VIPR2: variants seen among roughly 807,000 people sequenced by gnomAD.
VIPR2 encodes vasoactive intestinal peptide receptor 2.
A neutral mutation model predicts 58.0 loss-of-function variants in VIPR2; 48 were observed. The observed-to-expected ratio is 0.83, with a 90% confidence interval of 0.66 to 1.05. The LOEUF (loss-of-function observed/expected upper bound fraction) is 1.05, where lower values mean the gene tolerates loss of function less well. Among genes scored for constraint, VIPR2 ranks in the 50% least tolerant of loss-of-function variants. The pLI is 0.00. For missense variants in VIPR2, 534 were observed against 558.0 expected (o/e 0.96, Z 0.43); for synonymous variants, 243 against 235.2 (o/e 1.03, Z -0.30).
At chr7:159,101,393 G>A (rs1256126991) in intron 4 of VIPR2, among the ~76,000 whole-genome samples, 51 of 131,350 alleles carry the variant, frequency 3.9e-4, no homozygotes, top group African/African-American at 1.2e-3. Flanking sequence ...GGTTCCGACC[G>A]TTCCTGTGGT....
chr7:159,042,972 T>C (rs965098599), intron 6 of VIPR2, 63 bp downstream of exon 6: 1 of 1,560,154 alleles, frequency 6.4e-7, no homozygotes, highest in African/African-American at 1.4e-5. Context: ...GTCCTCATCG[T>C]GAGAAGAGGG....
chr7:159,057,499 T>G (rs1414737027), intron 5 of VIPR2, among the ~76,000 whole-genome samples: 1 of 152,200 alleles, frequency 6.6e-6, no homozygotes, highest in Non-Finnish European at 1.5e-5. Flanking sequence ...TCCTAACTTG[T>G]TTATTTTACA....
chr7:159,067,657 G>A (rs923429309), intron 4 of VIPR2, among the ~76,000 whole-genome samples: 12 of 152,228 alleles, frequency 7.9e-5, no homozygotes, highest in Non-Finnish European at 1.5e-4. Flanking sequence ...AATCCAGCAG[G>A]AAGTGTTCAT....
At chr7:159,058,800 CTT>C (rs1855472724) in intron 4 of VIPR2, among the ~76,000 whole-genome samples, 1 of 152,350 alleles carries the variant, frequency 6.6e-6, no homozygotes, top group Admixed American at 6.5e-5. Context: ...TCATGAATGA[CTT>C]TGGATGGTTC....
In VIPR2 at chr7:159,058,635, A is replaced by G; in HGVS notation, c.358-57T>C. 3.1e-6 allele frequency: 4 copies of G among 1,300,972 alleles called. No homozygotes were observed. The Admixed American group carries it at 6.8e-5, about 22-fold the overall frequency. 80.6% of individuals were successfully genotyped at this position (1,300,972 alleles called of 1,614,324 possible). A position where few individuals can be genotyped will look rare whatever the true frequency, so the allele number is the denominator to read the frequency against. On this transcript the variant is annotated intron_variant, in intron 4 of 12. Coordinates refer to ENST00000262178, the MANE Select transcript of VIPR2 (RefSeq NM_003382.5). The stretch of plus-strand genomic sequence containing the variant: ...AGGGTGACCAGCAACACCAGACAAC[A>G]GGAATGGTTCCAGGATCCAGCCCTG...
chr7:159,091,821 C>A (rs770911833), intron 4 of VIPR2, among the ~76,000 whole-genome samples: 6 of 152,240 alleles, frequency 3.9e-5, no homozygotes, highest in Non-Finnish European at 8.8e-5. Flanking sequence ...CGGGCCTGAG[C>A]AACCGCAGTT....
rs1439299989 is a variant in VIPR2 at position 159,106,962 on chromosome 7, G to GAGGTGCAGAGAGAGGCCATCC, written c.259+2829_259+2849dup. ...CAGGGAGGTACAGAGAGAGGCCAGG[G>GAGGTGCAGAGAGAGGCCATCC]AGGTGCAGAGAGAGGCCATCCAGGG... is the stretch of plus-strand genomic sequence containing the variant. On this transcript the variant is annotated intron_variant, in intron 3 of 12. Coordinates refer to ENST00000262178, the MANE Select transcript of VIPR2 (RefSeq NM_003382.5). Among the ~76,000 whole-genome samples, 503 of 151,642 alleles carry GAGGTGCAGAGAGAGGCCATCC rather than the reference G, an allele frequency of 3.3e-3. 3 individuals carry two copies. Among genetic ancestry groups the GAGGTGCAGAGAGAGGCCATCC allele is most frequent in the Admixed American group, 7.0e-3 (107 of 15,238 alleles).
intron 6 of VIPR2, 76 bp downstream of exon 6, chr7:159,042,959 G>A (rs1450287862): frequency 5.2e-6 from 8 of 1,542,306 alleles, no homozygotes; most frequent in African/African-American, 2.7e-5. Flanking sequence ...CCAGCACAGA[G>A]ACGTCCTCAT....
intron 6 of VIPR2, among the ~76,000 whole-genome samples, chr7:159,040,480 A>C (rs1355931405): frequency 6.6e-6 from 1 of 152,248 alleles, no homozygotes. Flanking sequence ...GATGGTGAGA[A>C]TAAAGGGCAG....
intron 5 of VIPR2, among the ~76,000 whole-genome samples, chr7:159,049,291 G>C (rs1854839276): frequency 6.6e-6 from 1 of 151,518 alleles, no homozygotes; most frequent in Non-Finnish European, 1.5e-5. Context: ...TCCACTTGTG[G>C]CCGTGAAGGA....
In VIPR2 at chr7:159,128,255, C is replaced by T. The variant is rs1796728703; in HGVS notation, c.151+14191G>A. Among the ~76,000 whole-genome samples, 1 of 152,150 alleles carries T rather than the reference C, an allele frequency of 6.6e-6. No homozygotes were observed. The highest frequency in any genetic ancestry group is 2.1e-4 in the South Asian group (1 of 4,830). ...GAACAGCTGCTGGGCCCTGGGATGT[C>T]TGCCCCATCCATACCTTGGGACCCA... On this transcript the variant is annotated intron_variant, in intron 2 of 12. Coordinates refer to ENST00000262178, the MANE Select transcript of VIPR2 (RefSeq NM_003382.5). The surrounding 1 kb of genome is among the most constrained non-coding windows in gnomAD (Gnocchi z 4.1).
chr7:159,098,494 C>A lies in VIPR2; in HGVS notation c.357+5263G>T, dbSNP rs1320658591. On this transcript the variant is annotated intron_variant, in intron 4 of 12. Transcript: ENST00000262178. This position sits in a 1 kb window ranked among gnomAD's most constrained non-coding sequence, Gnocchi z 5.2. Reference sequence around the variant, plus strand: ...AGACCTTGGACAGGGAGACTGATCCCTGGCTGGCTTATCTGCTTCAGGATC... The same window carrying A: ...AGACCTTGGACAGGGAGACTGATCCATGGCTGGCTTATCTGCTTCAGGATC... 6.6e-6 allele frequency among the ~76,000 whole-genome samples: 1 copy of A among 152,176 alleles called. No homozygotes were observed. Among genetic ancestry groups the A allele is most frequent in the Non-Finnish European group, 1.5e-5 (1 of 68,030 alleles).
At chr7:159,063,600 C>T (rs1435830301) in intron 4 of VIPR2, among the ~76,000 whole-genome samples, 1 of 151,466 alleles carries the variant, frequency 6.6e-6, no homozygotes, top group Non-Finnish European at 1.5e-5. Context: ...CGGGCTGAAG[C>T]GCTCCTCAAG....
chr7:159,042,172 C>A (rs142530518), intron 6 of VIPR2, among the ~76,000 whole-genome samples: 1 of 152,282 alleles, frequency 6.6e-6, no homozygotes, highest in Non-Finnish European at 1.5e-5. Context: ...TTAGACTGAG[C>A]AACTGTGCCA....
rs1247390764 is a variant in VIPR2, at chr7:159,030,679, G to A, written c.1254C>T (p.Ala418=). ...SSFSRNGSEG[A]LQFHRGSRAQ... ...CGCGGGAGCCGCGGTGGAACTGCAG[G>A]GCGCCCTCCGAGCCGTTGCGGGAGA... The change falls in exon 13 of 13, where the codon GCC becomes GCT. Residue 418 remains alanine, a synonymous_variant. Transcript: ENST00000262178. 1.3e-6 allele frequency: 2 copies of A among 1,569,062 alleles called. No individual in the cohort carries two copies. Among genetic ancestry groups the A allele is most frequent in the Admixed American group, 1.9e-5 (1 of 53,592 alleles).
intron 2 of VIPR2, among the ~76,000 whole-genome samples, chr7:159,110,319 G>A (rs1008494059): frequency 6.6e-6 from 1 of 152,220 alleles, no homozygotes; most frequent in Non-Finnish European, 1.5e-5. Context: ...GCAAATAAAA[G>A]TATTTGATAA....
intron 10 of VIPR2, among the ~76,000 whole-genome samples, chr7:159,032,588 G>A (rs530574740): frequency 2.0e-5 from 3 of 152,280 alleles, no homozygotes; most frequent in South Asian, 2.1e-4. Context: ...CTCTATTAAC[G>A]CATCTGAAGT....
intron 4 of VIPR2, among the ~76,000 whole-genome samples, chr7:159,067,907 G>A (rs899617260): frequency 1.3e-5 from 2 of 152,250 alleles, no homozygotes; most frequent in Non-Finnish European, 2.9e-5. Flanking sequence ...GCAATGGTTT[G>A]TGGCTGGGCA....
intron 4 of VIPR2, among the ~76,000 whole-genome samples, chr7:159,070,261 C>T (rs552357032): frequency 1.3e-5 from 2 of 152,302 alleles, no homozygotes; most frequent in East Asian, 3.9e-4. Flanking sequence ...GCCGCCCCTG[C>T]ATCCAGGGCT....
Sources: gnomAD v4.1 joint callset for allele counts (sites outside exome capture counted in the v4.1 genomes callset) on GRCh38, gnomAD v4.1.1 for gene constraint, Gnocchi (gnomAD v3.1) non-coding constraint, MANE v1.5 for transcripts, NCBI Gene and HGNC (gene_info 2026-07-23, HGNC 2026-07-21) for gene names.